The following CSMD1 variants were observed in gnomAD, a reference collection of about 807,000 sequenced individuals.
The protein encoded by CSMD1 is CUB and Sushi multiple domains 1.
A neutral mutation model predicts 417.5 loss-of-function variants in CSMD1; 213 were observed. The ratio of observed to expected loss-of-function variants is 0.51; its 90% CI spans 0.46 to 0.57. CSMD1 has a LOEUF of 0.57. CSMD1 is among the 20% of genes least tolerant of loss of function. The pLI is 0.00. For missense variants in CSMD1, 6,923 were observed against 4,529.7 expected (o/e 1.53, Z -15.17); for synonymous variants, 2,862 against 1,736.8 (o/e 1.65, Z -16.11).
At chr8:4,657,452 G>C (rs567209965) in intron 1 of CSMD1, among the ~76,000 whole-genome samples, 133 of 151,962 alleles carry the variant, frequency 8.8e-4, no homozygotes, top group South Asian at 5.8e-3. Flanking sequence ...CGCACTCTTG[G>C]CATTCATGGA....
At chr8:4,354,443 A>T (rs1801281036) in intron 3 of CSMD1, among the ~76,000 whole-genome samples, 1 of 152,182 alleles carries the variant, frequency 6.6e-6, no homozygotes, top group African/African-American at 2.4e-5. Flanking sequence ...GAGAACACCA[A>T]ACATCTGCGT....
intron 3 of CSMD1, among the ~76,000 whole-genome samples, chr8:4,048,344 T>G (rs1276426509): frequency 6.6e-6 from 1 of 152,140 alleles, no homozygotes; most frequent in Non-Finnish European, 1.5e-5. Flanking sequence ...AATAACTTAT[T>G]TTAACCATAT....
chr8:4,746,335 T>G (rs1183925866), intron 1 of CSMD1, among the ~76,000 whole-genome samples: 3 of 152,212 alleles, frequency 2.0e-5, no homozygotes, highest in Non-Finnish European at 2.9e-5. Flanking sequence ...TGTAGGCACT[T>G]TGGCAGGGGT....
chr8:3,468,890 G>C (rs377471442), intron 11 of CSMD1, 66 bp from the exon 12 acceptor site: 4 of 1,076,130 alleles, frequency 3.7e-6, no homozygotes, highest in Non-Finnish European at 5.5e-6. Flanking sequence ...CCACCTGAAA[G>C]GAGGGTCTTG....
chr8:3,613,737 A>ACACCCC (rs71203455), intron 8 of CSMD1, among the ~76,000 whole-genome samples: 24 of 144,472 alleles, frequency 1.7e-4, no homozygotes, highest in Admixed American at 2.8e-4. Context: ...ACACACACAC[A>ACACCCC]CCTCAAAAAA....
intron 7 of CSMD1, among the ~76,000 whole-genome samples, chr8:3,670,282 C>T (rs1798920915): frequency 6.6e-6 from 1 of 151,970 alleles, no homozygotes; most frequent in Non-Finnish European, 1.5e-5. Context: ...TCCCAGCCTA[C>T]ATCCTTCTCC....
rs1213639601 is a variant in CSMD1, at chr8:3,696,028, T to C, written c.1009+12386A>G. Reference sequence around the variant, plus strand: ...ACTTGTGGAAGACCTACCATTTGTATATTTGCACACGTGCAAAAAAAAGCT... The same window carrying C: ...ACTTGTGGAAGACCTACCATTTGTACATTTGCACACGTGCAAAAAAAAGCT... On this transcript the variant is annotated intron_variant, in intron 7 of 69. Transcript: ENST00000635120. Among the ~76,000 whole-genome samples, 6 of 152,328 alleles carry C rather than the reference T, an allele frequency of 3.9e-5. No homozygotes were observed. In the East Asian group the frequency reaches 9.7e-4, roughly 25 times the overall value.
At chr8:4,096,248 C>T (rs189916873) in intron 3 of CSMD1, among the ~76,000 whole-genome samples, 34 of 152,124 alleles carry the variant, frequency 2.2e-4, no homozygotes, top group Admixed American at 1.8e-3. Context: ...ACCGACTTTC[C>T]CTGCTAGCTC....
At chr8:4,316,010 T>C (rs1563441636) in intron 3 of CSMD1, among the ~76,000 whole-genome samples, 1 of 152,190 alleles carries the variant, frequency 6.6e-6, no homozygotes, top group Non-Finnish European at 1.5e-5. Flanking sequence ...TTCCTTTAAA[T>C]ATTCAGGCAT....
intron 21 of CSMD1, among the ~76,000 whole-genome samples, chr8:3,351,918 C>G (rs1025432539): frequency 1.3e-5 from 2 of 151,584 alleles, no homozygotes; most frequent in Admixed American, 6.6e-5. Flanking sequence ...TACATCTTTT[C>G]TCTGTTTTCA....
intron 7 of CSMD1, among the ~76,000 whole-genome samples, chr8:3,698,612 C>G (rs1800685874): frequency 6.6e-6 from 1 of 152,172 alleles, no homozygotes; most frequent in Admixed American, 6.5e-5. Context: ...CCTAATACAG[C>G]ACTCGCGTCC....
chr8:4,382,851 T>C (rs1308790170), intron 3 of CSMD1, among the ~76,000 whole-genome samples: 3 of 152,196 alleles, frequency 2.0e-5, no homozygotes, highest in Non-Finnish European at 2.9e-5. Flanking sequence ...TTACACATTT[T>C]GCCTACAAGG....
rs757866681 is a variant in CSMD1, at chr8:3,189,925, G to A, written c.5385C>T (p.Ile1795=). ...GACACTGCTCACCCACACAGCTGGG[G>A]ATCGTGTCGTTCCACTGTGCCAAGG... ...PNALAQWNDT[I]PSCVVPCSGN... The change falls in exon 34 of 70, where the codon ATC becomes ATT. Residue 1795 remains isoleucine (I), a synonymous_variant. Transcript: ENST00000635120. 2.2e-5 allele frequency: 35 copies of A among 1,582,064 alleles called. No homozygotes were observed. The South Asian group carries it at 3.6e-4, about 16-fold the overall frequency.
intron 1 of CSMD1, among the ~76,000 whole-genome samples, chr8:4,692,132 C>T (rs960403453): frequency 1.3e-5 from 2 of 152,090 alleles, no homozygotes; most frequent in Non-Finnish European, 1.5e-5. Context: ...CCAGGGGCTC[C>T]ACCTGCTGAA....
chr8:3,664,018 TTCTTAA>T (rs1345949916), intron 7 of CSMD1, among the ~76,000 whole-genome samples: 1 of 152,248 alleles, frequency 6.6e-6, no homozygotes, highest in Non-Finnish European at 1.5e-5. Flanking sequence ...TGAGTTAAAG[TTCTTAA>T]TCTTAAATTT....
chr8:4,138,068 TTTTTTTTTTTTTTTTTTTTG>T (rs1803542973), intron 3 of CSMD1, among the ~76,000 whole-genome samples: 3 of 105,984 alleles, frequency 2.8e-5, no homozygotes, highest in East Asian at 2.4e-4. Context: ...TTTTTTTTTT[TTTTTTTTTTTTTTTTTTTTG>T]TATTTTTTAG....
At chr8:4,381,412 T>C (rs998937023) in intron 3 of CSMD1, among the ~76,000 whole-genome samples, 1 of 152,090 alleles carries the variant, frequency 6.6e-6, no homozygotes, top group East Asian at 1.9e-4. Flanking sequence ...CATGAATATT[T>C]CCTGACGTAA....
intron 1 of CSMD1, among the ~76,000 whole-genome samples, chr8:4,895,654 C>A (rs1204229236): frequency 2.0e-5 from 3 of 151,640 alleles, no homozygotes; most frequent in Non-Finnish European, 4.4e-5. Flanking sequence ...TCTGATGAGG[C>A]TCCTTTTTCC....
intron 1 of CSMD1, among the ~76,000 whole-genome samples, chr8:4,778,982 A>G (rs1313598983): frequency 6.6e-6 from 1 of 152,220 alleles, no homozygotes; most frequent in Admixed American, 6.5e-5. Context: ...GAAAGAATTG[A>G]TAGGTGGGTG....
Sources: allele counts gnomAD v4.1 joint callset (sites outside exome capture counted in the v4.1 genomes callset), GRCh38; gene constraint gnomAD v4.1.1; transcripts MANE v1.5; gene names NCBI Gene and HGNC (gene_info 2026-07-23, HGNC 2026-07-21).